Variants in TULP4 observed in about 807,000 individuals in gnomAD.
TULP4 encodes the protein TUB like protein 4, also known as tubby-related protein 4.
A neutral mutation model predicts 129.0 loss-of-function variants in TULP4; 16 were observed. The ratio of observed to expected loss-of-function variants is 0.12; its 90% CI spans 0.08 to 0.19. The LOEUF (loss-of-function observed/expected upper bound fraction) is 0.19. Among genes scored for constraint, TULP4 ranks in the 10% least tolerant of loss-of-function variants. The pLI, the probability that TULP4 is intolerant of heterozygous loss-of-function variation, is 1.00. For synonymous variants in TULP4, 998 were observed against 854.0 expected, an observed-to-expected ratio of 1.17 and a Z score of -2.94; for missense variants, 1,842 against 2,059.1, an observed-to-expected ratio of 0.89 and a Z score of 2.04.
chr6:158,398,743 T>C (rs1777776832), intron 1 of TULP4, among the ~76,000 whole-genome samples: 1 of 152,268 alleles, frequency 6.6e-6, no homozygotes, highest in Non-Finnish European at 1.5e-5. Context: ...ACCACCACTA[T>C]AGATTCAATA....
chr6:158,498,518 G>A, intron 11 of TULP4, 151 bp from the exon 12 acceptor site: 1 of 880,562 alleles, frequency 1.1e-6, no homozygotes, highest in South Asian at 1.7e-5. Context: ...GAGAAATGAA[G>A]AGCTCCTCTC....
intron 11 of TULP4, among the ~76,000 whole-genome samples, chr6:158,497,233 C>G (rs1387667884): frequency 6.6e-6 from 1 of 152,164 alleles, no homozygotes; most frequent in Non-Finnish European, 1.5e-5. Flanking sequence ...TCTATTAATA[C>G]TAGAGAACAG....
chr6:158,339,696 C>A (rs1335797806), intron 1 of TULP4, among the ~76,000 whole-genome samples: 2 of 152,152 alleles, frequency 1.3e-5, no homozygotes, highest in Non-Finnish European at 2.9e-5. Context: ...CCTGTGCGGC[C>A]CACAGGCAGC....
chr6:158,352,226 G>A (rs828009), intron 1 of TULP4, among the ~76,000 whole-genome samples: 1 of 152,142 alleles, frequency 6.6e-6, no homozygotes, highest in Non-Finnish European at 1.5e-5. Context: ...AAATCATGAG[G>A]ACCAGGTTTT....
At chr6:158,283,189 C>T (rs775730459) in intron 1 of TULP4, among the ~76,000 whole-genome samples, 11 of 151,664 alleles carry the variant, frequency 7.3e-5, no homozygotes, top group Non-Finnish European at 1.5e-4. Flanking sequence ...TCTGTAAGAA[C>T]CTAGATACAG....
chr6:158,368,745 A>G (rs1360013981), intron 1 of TULP4, among the ~76,000 whole-genome samples: 1 of 152,234 alleles, frequency 6.6e-6, no homozygotes, highest in East Asian at 1.9e-4. Flanking sequence ...AATGTATGTC[A>G]GTACCATTTT....
upstream of TULP4, among the ~76,000 whole-genome samples, chr6:158,311,458 A>T (rs575671611): frequency 1.3e-5 from 2 of 152,308 alleles, no homozygotes; most frequent in Admixed American, 1.3e-4. Context: ...TAGGAAGAAG[A>T]TGGAATGGAT....
intron 1 of TULP4, among the ~76,000 whole-genome samples, chr6:158,343,867 A>C (rs986947541): frequency 6.6e-6 from 1 of 152,210 alleles, no homozygotes; most frequent in Non-Finnish European, 1.5e-5. Context: ...AATACTAATA[A>C]AATTAAGTAC....
At chr6:158,291,640 C>G (rs1778942881) in intron 1 of TULP4, among the ~76,000 whole-genome samples, 1 of 152,020 alleles carries the variant, frequency 6.6e-6, no homozygotes, top group African/African-American at 2.4e-5. Context: ...TCCATTTTCT[C>G]TGTTCTGTCC....
At chr6:158,458,249 C>T (rs1201466257) in intron 5 of TULP4, among the ~76,000 whole-genome samples, 1 of 152,202 alleles carries the variant, frequency 6.6e-6, no homozygotes, top group African/African-American at 2.4e-5. Context: ...TAAATTTTCA[C>T]TGACTTCATA....
chr6:158,486,162 T>C (rs113684311), intron 8 of TULP4, among the ~76,000 whole-genome samples: 1 of 152,228 alleles, frequency 6.6e-6, no homozygotes, highest in Non-Finnish European at 1.5e-5. Flanking sequence ...CCAAAATTCA[T>C]ATTGGGAAGT....
intron 3 of TULP4, among the ~76,000 whole-genome samples, chr6:158,430,115 C>T (rs973915861): frequency 6.6e-6 from 1 of 152,052 alleles, no homozygotes; most frequent in African/African-American, 2.4e-5. Context: ...ATTAAGTTAA[C>T]ATTTTAATTA....
At chr6:158,354,898 A>G (rs1265921558) in intron 1 of TULP4, among the ~76,000 whole-genome samples, 3 of 151,342 alleles carry the variant, frequency 2.0e-5, no homozygotes, top group Non-Finnish European at 4.4e-5. Flanking sequence ...AAAAAAAAAA[A>G]AAAAACCAGA....
rs1318008139 is a variant in TULP4, at chr6:158,504,126, G to A, written c.4463G>A (p.Arg1488Gln). 6 of 1,607,776 alleles carry A rather than the reference G, an allele frequency of 3.7e-6. No homozygotes were observed. The highest frequency in any genetic ancestry group is 1.3e-5 in the African/African-American group (1 of 75,002). ...GTCTACCAGCTGGACTTCGGGGGGC[G>A]GGTGACCCAGGAGTCCGCCAAGAAC... Reference protein sequence around the residue: ...TQVYQLDFGGRVTQESAKNFQ... With the variant: ...TQVYQLDFGGQVTQESAKNFQ... The change falls in exon 13 of 14, where the codon CGG becomes CAG. Residue 1488 changes from arginine to glutamine, a missense_variant. By Grantham distance (43) the Arg-to-Gln change is conservative (BLOSUM62 1). Around this residue, in one of 5 missense-constraint regions of TULP4, gnomAD observed 47 missense variants for 104.0 expected, o/e 0.45. Coordinates refer to ENST00000367097, the MANE Select transcript of TULP4 (RefSeq NM_020245.5).
intron 1 of TULP4, among the ~76,000 whole-genome samples, chr6:158,345,177 A>G (rs1273257104): frequency 6.6e-6 from 1 of 152,242 alleles, no homozygotes; most frequent in African/African-American, 2.4e-5. Context: ...AGCCATCTTT[A>G]TAACATAAAA....
At position 158,295,487 on chromosome 6, in the gene TULP4, C is replaced by A. The variant is rs944817157; in HGVS notation, n.116+13109C>A. On this transcript the variant is annotated intron_variant and non_coding_transcript_variant, in intron 1 of 1. Coordinates refer to the TULP4 transcript ENST00000432358. ...AAAAATTCTCAAATTAAAAAAAAAA[C>A]AAAACTTACTTGTTGTGAGATATAC... Among the ~76,000 whole-genome samples the A allele has an allele frequency of 1.0e-4, 15 of 148,846 alleles. No homozygotes were observed. In the South Asian group the frequency reaches 2.5e-3, roughly 25 times the overall value.
intron 7 of TULP4, among the ~76,000 whole-genome samples, chr6:158,480,518 C>G (rs1256695122): frequency 6.6e-6 from 1 of 152,188 alleles, no homozygotes; most frequent in Non-Finnish European, 1.5e-5. Flanking sequence ...AGTGGGAACT[C>G]TAGAAGGTAG....
chr6:158,478,000 G>A (rs1261158872), intron 6 of TULP4, among the ~76,000 whole-genome samples: 6 of 152,212 alleles, frequency 3.9e-5, no homozygotes, highest in South Asian at 2.1e-4. Flanking sequence ...GCAAACTAAC[G>A]TAGGAACAAA....
intron 2 of TULP4, among the ~76,000 whole-genome samples, chr6:158,416,713 A>C (rs888772420): frequency 1.2e-4 from 19 of 152,220 alleles, no homozygotes; most frequent in Non-Finnish European, 2.5e-4. Context: ...TACAGTAGCT[A>C]CAAGGTAATG....
Sources: allele counts gnomAD v4.1 joint callset (sites outside exome capture counted in the v4.1 genomes callset), GRCh38; gene constraint gnomAD v4.1.1; regional missense constraint gnomAD v4.1.1; transcripts MANE v1.5; gene names NCBI Gene and HGNC (gene_info 2026-07-23, HGNC 2026-07-21).